NTRK3: variants seen among roughly 807,000 people sequenced by gnomAD.
NTRK3 encodes the protein NT-3 growth factor receptor.
A neutral mutation model predicts 91.7 loss-of-function variants in NTRK3; 24 were observed. The ratio of observed to expected loss-of-function variants is 0.26; its 90% CI spans 0.19 to 0.37. The LOEUF is 0.37. Ranked by LOEUF, NTRK3 falls within the 10% of genes least tolerant of loss-of-function variation. The probability of loss-of-function intolerance (pLI) is 1.00; values close to 1 mark genes in which losing one functional copy is unlikely to be tolerated. For missense variants in NTRK3, 880 were observed against 1,068.9 expected (o/e 0.82, Z 2.46); for synonymous variants, 483 against 404.0 (o/e 1.20, Z -2.34).
At chr15:88,066,206 C>A (rs546551552) in intron 13 of NTRK3, among the ~76,000 whole-genome samples, 1 of 152,272 alleles carries the variant, frequency 6.6e-6, no homozygotes, top group African/African-American at 2.4e-5. Context: ...CACCCCAGAA[C>A]AAGGCTAGAT....
chr15:88,055,737 T>C (rs2045619336), intron 13 of NTRK3, among the ~76,000 whole-genome samples: 1 of 152,148 alleles, frequency 6.6e-6, no homozygotes, highest in Admixed American at 6.5e-5. Context: ...CACCCAATAC[T>C]GAGGCACCAG....
chr15:87,992,438 T>C (rs894016982), intron 14 of NTRK3, among the ~76,000 whole-genome samples: 4 of 152,248 alleles, frequency 2.6e-5, no homozygotes, highest in African/African-American at 7.2e-5. Flanking sequence ...TATAAGCCAC[T>C]TGGCAGTTAA....
chr15:88,012,316 AC>A (rs2076936943), intron 14 of NTRK3, among the ~76,000 whole-genome samples: 1 of 152,018 alleles, frequency 6.6e-6, no homozygotes, highest in South Asian at 2.1e-4. Flanking sequence ...TAAAACACAA[AC>A]CTTCTCACTT....
At chr15:88,151,002 G>C (rs1395296366) in intron 5 of NTRK3, among the ~76,000 whole-genome samples, 2 of 152,042 alleles carry the variant, frequency 1.3e-5, no homozygotes, top group East Asian at 3.9e-4. Flanking sequence ...CATCAGACAA[G>C]AGTTTAATTA....
intron 13 of NTRK3, among the ~76,000 whole-genome samples, chr15:88,117,500 G>C (rs953434674): frequency 2.6e-5 from 4 of 152,228 alleles, no homozygotes; most frequent in Non-Finnish European, 5.9e-5. Flanking sequence ...AGACAAAGGA[G>C]CTAGGATCTT....
At chr15:87,880,935 G>GA (rs1293275104) in intron 17 of NTRK3, among the ~76,000 whole-genome samples, 7 of 152,204 alleles carry the variant, frequency 4.6e-5, no homozygotes, top group Non-Finnish European at 1.0e-4. Flanking sequence ...TGTTTCAAGT[G>GA]AAGGAGACAG....
chr15:87,903,971 G>T (rs1306034723), intron 17 of NTRK3, among the ~76,000 whole-genome samples: 1 of 152,164 alleles, frequency 6.6e-6, no homozygotes, highest in Non-Finnish European at 1.5e-5. Context: ...CATGCCAAGA[G>T]GGGTGAACAA....
At chr15:88,181,299 C>A (rs1176595399) in intron 5 of NTRK3, among the ~76,000 whole-genome samples, 3 of 152,140 alleles carry the variant, frequency 2.0e-5, no homozygotes, top group African/African-American at 7.2e-5. Context: ...TGCAAACCTC[C>A]ACCAGCCTCT....
At chr15:87,884,666 T>C (rs1415573550) in intron 17 of NTRK3, among the ~76,000 whole-genome samples, 1 of 151,700 alleles carries the variant, frequency 6.6e-6, no homozygotes, top group African/African-American at 2.4e-5. Context: ...CTCAATAAGG[T>C]TTACCCTAGA....
intron 13 of NTRK3, among the ~76,000 whole-genome samples, chr15:88,050,133 G>C (rs2080674667): frequency 6.6e-6 from 1 of 152,018 alleles, no homozygotes. Context: ...ATATAAACAG[G>C]AGAACTTCCA....
At chr15:88,047,915 T>A (rs1181854062) in intron 13 of NTRK3, among the ~76,000 whole-genome samples, 1 of 152,194 alleles carries the variant, frequency 6.6e-6, no homozygotes, top group African/African-American at 2.4e-5. Flanking sequence ...ACTGCTGTTT[T>A]GAACTCCAGA....
chr15:88,105,220 G>A (rs943062119), intron 13 of NTRK3, among the ~76,000 whole-genome samples: 4 of 152,120 alleles, frequency 2.6e-5, no homozygotes, highest in Admixed American at 6.5e-5. Context: ...TATTCTTAAC[G>A]TTGCCAATTC....
chr15:88,159,756 C>T (rs1411638339), intron 5 of NTRK3, among the ~76,000 whole-genome samples: 2 of 152,108 alleles, frequency 1.3e-5, no homozygotes, highest in Non-Finnish European at 2.9e-5. Context: ...GGGGAATTCA[C>T]AATCCCCTCC....
intron 3 of NTRK3, among the ~76,000 whole-genome samples, chr15:88,205,133 C>T (rs2048630117): frequency 6.6e-6 from 1 of 152,264 alleles, no homozygotes; most frequent in Middle Eastern, 3.4e-3. Context: ...GTGATTTTCT[C>T]CCCCTGCTGC....
Position 88,036,422 on chromosome 15 carries a change from T to G in NTRK3, c.1397-3377A>C, listed in dbSNP as rs77599193. On this transcript the variant is annotated intron_variant, in intron 13 of 18. Transcript: ENST00000394480. ...ACTTTTTAACCTGGAAATCTACACC[T>G]AAAAAAAAAAAAAATCAATCCACTC... Among the ~76,000 whole-genome samples the G allele has an allele frequency of 3.3e-3, 472 of 142,238 alleles. 13 individuals carry two copies. The East Asian group carries it at 0.083, about 25-fold the overall frequency. The allele number at this position is 142,238 out of a possible 152,430, so 93.3% of individuals were successfully genotyped here.
At chr15:87,863,974 TAC>T (rs3217416) in exon 19 of NTRK3, 2,151 of 202,362 alleles carry the variant, frequency 0.011, 14 homozygotes, top group Middle Eastern at 0.031. Context: ...CCAGGCAAAA[TAC>T]ACACACACAC....
At chr15:87,909,668 C>T (rs1481698035) in intron 17 of NTRK3, among the ~76,000 whole-genome samples, 1 of 152,150 alleles carries the variant, frequency 6.6e-6, no homozygotes, top group South Asian at 2.1e-4. Flanking sequence ...GAAGTCCTAA[C>T]CCCAAGTTCT....
intron 3 of NTRK3, among the ~76,000 whole-genome samples, chr15:88,208,782 C>G (rs1199316602): frequency 6.6e-6 from 1 of 152,184 alleles, no homozygotes; most frequent in African/African-American, 2.4e-5. Context: ...TCAAAATCAC[C>G]TAGGGAACCT....
In NTRK3 at chr15:88,183,595, C is replaced by T. The variant is rs532837157; in HGVS notation, c.324-106G>A. ...AGGCTAAGGCTGGCCCTGCAGCCGCCCTGTGGATTATCTACACCTCTTCAT... is the reference window on the plus strand; with the variant it reads ...AGGCTAAGGCTGGCCCTGCAGCCGCTCTGTGGATTATCTACACCTCTTCAT... On this transcript the variant is annotated intron_variant, in intron 4 of 18. Transcript: ENST00000394480. 58 of 1,041,244 alleles carry T rather than the reference C, an allele frequency of 5.6e-5. 1 individual carries two copies. In the African/African-American group the frequency reaches 8.3e-4, roughly 15 times the overall value. The allele number at this position is 1,041,244 out of a possible 1,614,324, so 64.5% of individuals were successfully genotyped here. A position where few individuals can be genotyped will look rare whatever the true frequency, so the allele number is the denominator to read the frequency against.
Sources: allele counts gnomAD v4.1 joint callset (sites outside exome capture counted in the v4.1 genomes callset), GRCh38; gene constraint gnomAD v4.1.1; transcripts MANE v1.5; gene names NCBI Gene and HGNC (gene_info 2026-07-23, HGNC 2026-07-21).